LYPLAL1: variants seen among roughly 807,000 people sequenced by gnomAD.
LYPLAL1 encodes lysophospholipase-like protein 1.
A neutral mutation model predicts 19.7 loss-of-function variants in LYPLAL1; 23 were observed. The ratio of observed to expected loss-of-function variants is 1.17; its 90% CI spans 0.84 to 1.65. The LOEUF is 1.65. Ranked by LOEUF, LYPLAL1 falls within the 40% of genes most tolerant of loss-of-function variation. The probability of loss-of-function intolerance (pLI) is 0.00; values close to 1 mark genes in which losing one functional copy is unlikely to be tolerated. For synonymous variants in LYPLAL1, 119 were observed against 96.3 expected (o/e 1.24, Z -1.38); for missense variants, 355 against 279.4 (o/e 1.27, Z -1.93).
chr1:219,304,345 CAG>C, the LYPLAL1 span, among the ~76,000 whole-genome samples: 1 of 152,318 alleles, frequency 6.6e-6, no homozygotes, highest in Admixed American at 6.5e-5. Context: ...TTCAAGCAGA[CAG>C]AGTCACTGAA....
At chr1:219,304,939 G>C in the LYPLAL1 span, among the ~76,000 whole-genome samples, 1 of 152,240 alleles carries the variant, frequency 6.6e-6, no homozygotes, top group Non-Finnish European at 1.5e-5. Context: ...AAAAATTCCA[G>C]TGTCAGATAT....
At chr1:219,297,711 A>G in the LYPLAL1 span, among the ~76,000 whole-genome samples, 2 of 152,202 alleles carry the variant, frequency 1.3e-5, no homozygotes, top group Non-Finnish European at 2.9e-5. Flanking sequence ...CATTGGTTGG[A>G]TCCTTGAACA....
At chr1:219,349,731 C>T in the LYPLAL1 span, among the ~76,000 whole-genome samples, 1,332 of 152,198 alleles carry the variant, frequency 8.8e-3, 17 homozygotes, top group Non-Finnish European at 8.7e-3. Context: ...CAACAGGACA[C>T]AGTCATGAAA....
At chr1:219,264,772 G>A in the LYPLAL1 span, among the ~76,000 whole-genome samples, 8 of 152,182 alleles carry the variant, frequency 5.3e-5, no homozygotes, top group Non-Finnish European at 8.8e-5. Context: ...CCAGGAGGGA[G>A]CACATTTATT....
chr1:219,411,745 G>A, the LYPLAL1 span: 3 of 158,038 alleles, frequency 1.9e-5, no homozygotes, highest in Admixed American at 6.5e-5. Context: ...TCACTCCTGA[G>A]CCAGCGAGAC....
At chr1:219,348,375 A>G in the LYPLAL1 span, among the ~76,000 whole-genome samples, 5 of 152,162 alleles carry the variant, frequency 3.3e-5, no homozygotes, top group African/African-American at 1.2e-4. Context: ...GGTTGGGGTC[A>G]ATTCGTGTGG....
At chr1:219,402,325 A>G in the LYPLAL1 span, among the ~76,000 whole-genome samples, 1 of 152,186 alleles carries the variant, frequency 6.6e-6, no homozygotes, top group Non-Finnish European at 1.5e-5. Flanking sequence ...TCAGATCCCA[A>G]ACAAAAAAGA....
At chr1:219,236,979 AGTTGTTGTTTTTTTT>A in the LYPLAL1 span, among the ~76,000 whole-genome samples, 1 of 142,532 alleles carries the variant, frequency 7.0e-6, no homozygotes, top group South Asian at 2.2e-4. Flanking sequence ...AAAGCACTTC[AGTTGTTGTTTTTTTT>A]GTTATTGTTG....
chr1:219,325,984 C>T, the LYPLAL1 span, among the ~76,000 whole-genome samples: 1 of 152,126 alleles, frequency 6.6e-6, no homozygotes, highest in Non-Finnish European at 1.5e-5. Flanking sequence ...TTCATCTCAG[C>T]TTACTACAAC....
the LYPLAL1 span, among the ~76,000 whole-genome samples, chr1:219,430,310 G>C: frequency 1.8e-5 from 2 of 113,126 alleles, no homozygotes; most frequent in African/African-American, 7.7e-5. Flanking sequence ...AAAAAAAAAA[G>C]CTCTTTTCTA....
chr1:219,201,347 G>C (rs1658082717), intron 3 of LYPLAL1, among the ~76,000 whole-genome samples: 1 of 150,372 alleles, frequency 6.7e-6, no homozygotes, highest in African/African-American at 2.4e-5. Flanking sequence ...TGAATTATTT[G>C]ACTCATCTGG....
downstream of LYPLAL1, among the ~76,000 whole-genome samples, chr1:219,217,379 G>GGGGTGTGTGTGTGTGTGTGTGTGTGTGT (rs1553304603): frequency 3.0e-5 from 4 of 134,138 alleles, no homozygotes; most frequent in African/African-American, 1.1e-4. Context: ...TGCCAGGTTT[G>GGGGTGTGTGTGTGTGTGTGTGTGTGTGT]GTGTGTGTGT....
In LYPLAL1 at chr1:219,179,167, A is replaced by G; in HGVS notation, c.112A>G (p.Arg38Gly). ...ATCAGGTGATTCTGGACAAGGATTA[A>G]GAATGTGGATCAAGCAGGTTTTAAA... ...HGSGDSGQGL[R>G]MWIKQVLNQD... The change falls in exon 2 of 5, where the codon AGA (arginine) becomes GGA (glycine). Residue 38 changes from arginine (R) to glycine (G), a missense_variant. Transcript: ENST00000366928. 1 of 1,611,620 alleles carries G rather than the reference A, an allele frequency of 6.2e-7. No homozygotes were observed. Among genetic ancestry groups the G allele is most frequent in the African/African-American group, 1.3e-5 (1 of 74,848 alleles).
the LYPLAL1 span, among the ~76,000 whole-genome samples, chr1:219,329,840 C>T: frequency 4.6e-5 from 7 of 152,150 alleles, no homozygotes; most frequent in African/African-American, 1.7e-4. Flanking sequence ...AACTCTAGAA[C>T]CTGTGGCGTT....
the LYPLAL1 span, among the ~76,000 whole-genome samples, chr1:219,392,367 A>G: frequency 6.6e-6 from 1 of 151,866 alleles, no homozygotes; most frequent in Middle Eastern, 3.2e-3. Flanking sequence ...CCAGCCTTCC[A>G]TCCTCCTCAT....
intron 2 of LYPLAL1, among the ~76,000 whole-genome samples, chr1:219,179,958 C>A (rs1196819350): frequency 2.6e-5 from 4 of 152,106 alleles, no homozygotes. Flanking sequence ...TGATTTTTCT[C>A]ATAATCTGTT....
At chr1:219,264,929 C>T in the LYPLAL1 span, among the ~76,000 whole-genome samples, 1 of 152,198 alleles carries the variant, frequency 6.6e-6, no homozygotes, top group African/African-American at 2.4e-5. Flanking sequence ...ATACACATTA[C>T]GTCGCCAACA....
At chr1:219,429,894 G>A in the LYPLAL1 span, among the ~76,000 whole-genome samples, 1 of 152,060 alleles carries the variant, frequency 6.6e-6, no homozygotes, top group African/African-American at 2.4e-5. Context: ...CTTGCACTTG[G>A]AAGCACAGAT....
chr1:219,239,039 C>T, the LYPLAL1 span, among the ~76,000 whole-genome samples: 1 of 152,262 alleles, frequency 6.6e-6, no homozygotes, highest in South Asian at 2.1e-4. Flanking sequence ...ATTTGTGCAT[C>T]AGGATAATTA....
Sources: gnomAD v4.1 joint callset for allele counts (sites outside exome capture counted in the v4.1 genomes callset) on GRCh38, gnomAD v4.1.1 for gene constraint, MANE v1.5 for transcripts, NCBI Gene and HGNC (gene_info 2026-07-23, HGNC 2026-07-21) for gene names.